The following AGR2 variants were observed in gnomAD, a reference collection of about 807,000 sequenced individuals.
AGR2 encodes anterior gradient 2, protein disulphide isomerase family member.
Under a neutral mutation model 25.9 loss-of-function variants are expected in AGR2, and 27 were observed. That is an observed-to-expected ratio of 1.04 (90% CI 0.77 to 1.44). AGR2 has a LOEUF of 1.44. AGR2 is among the 40% of genes most tolerant of loss of function. The pLI is 0.00. For synonymous variants in AGR2, 78 were observed against 72.0 expected (o/e 1.08, Z -0.42); for missense variants, 182 against 200.9 (o/e 0.91, Z 0.57).
rs1784987289 is a variant in AGR2, at chr7:16,792,974, G to A, written c.479-17C>T. 3 of 1,612,532 alleles carry A rather than the reference G, an allele frequency of 1.9e-6. No individual in the cohort carries two copies. Among genetic ancestry groups the A allele is most frequent in the Non-Finnish European group, 2.5e-6 (3 of 1,178,562 alleles). On this transcript the variant is annotated splice_polypyrimidine_tract_variant and intron_variant, in intron 7 of 7. Coordinates refer to ENST00000419304, the MANE Select transcript of AGR2 (RefSeq NM_006408.4). ...TGTCAAGCACTAATGGGGGATAAAA[G>A]CAGGAGAGTCAAGACACCATCGTGC...
chr7:16,799,496 G>A, intron 5 of AGR2: 1 of 422,352 alleles, frequency 2.4e-6, no homozygotes, highest in East Asian at 3.9e-5. Flanking sequence ...TCCAGCAACA[G>A]AAAAAATTCT....
rs1050118716 is a variant in AGR2 at position 16,792,812 on chromosome 7, G to C, written c.*96C>G. ...CATTAAACCATAACCTAATCAGTGT[G>C]TTCACTATGCTTCCACACTAGCCAG... On this transcript the variant is annotated 3_prime_UTR_variant, in exon 8 of 8. Transcript: ENST00000419304. 4.7e-6 allele frequency: 5 copies of C among 1,065,856 alleles called. No homozygotes were observed. Among genetic ancestry groups the C allele is most frequent in the Non-Finnish European group, 7.3e-6 (5 of 681,678 alleles). The allele number at this position is 1,065,856 out of a possible 1,614,324, so 66.0% of individuals were successfully genotyped here. A position where few individuals can be genotyped will look rare whatever the true frequency, so the allele number is the denominator to read the frequency against.
Position 16,792,509 on chromosome 7 carries a change from G to A in AGR2, c.*399C>T. ...TACAGTCATCTAGTGAGAACCTGTGGTGTGGTGAGATGATAACTTGGTCTT... is the reference window on the plus strand; with the variant it reads ...TACAGTCATCTAGTGAGAACCTGTGATGTGGTGAGATGATAACTTGGTCTT... On this transcript the variant is annotated 3_prime_UTR_variant, in exon 8 of 8. Coordinates refer to ENST00000419304, the MANE Select transcript of AGR2 (RefSeq NM_006408.4). The A allele has an allele frequency of 5.4e-6, 1 of 184,956 alleles. No individual in the cohort carries two copies. Among genetic ancestry groups the A allele is most frequent in the Non-Finnish European group, 1.1e-5 (1 of 88,402 alleles). The allele number at this position is 184,956 out of a possible 1,614,324, so 11.5% of individuals were successfully genotyped here. A position where few individuals can be genotyped will look rare whatever the true frequency, so the allele number is the denominator to read the frequency against.
In AGR2 at chr7:16,801,712, C is replaced by T; in HGVS notation, c.85G>A (p.Ala29Thr). The T allele has an allele frequency of 6.2e-7, 1 of 1,613,660 alleles. No individual in the cohort carries two copies. The highest frequency in any genetic ancestry group is 2.2e-5 in the East Asian group (1 of 44,864). The change falls in exon 2 of 8, where the codon GCC becomes ACC. Residue 29 changes from alanine to threonine, a missense_variant. Transcript: ENST00000419304. ...CGAGAGTCCTTTGTGTCCTTTTTGGCTCCAGGTTTGACTGTGGTATCTCTG... is the reference window on the plus strand; with the variant it reads ...CGAGAGTCCTTTGTGTCCTTTTTGGTTCCAGGTTTGACTGTGGTATCTCTG... The part of the protein sequence containing the change: ...LARDTTVKPG[A>T]KKDTKDSRPK...
intron 5 of AGR2, 58 bp downstream of exon 5, chr7:16,799,686 A>C: frequency 7.9e-7 from 1 of 1,267,224 alleles, no homozygotes. Context: ...AAAATGAATC[A>C]TCCATTTCAA....
chr7:16,804,650 C>T (rs1333425411), intron 1 of AGR2, among the ~76,000 whole-genome samples: 3 of 152,134 alleles, frequency 2.0e-5, no homozygotes, highest in Non-Finnish European at 4.4e-5. Flanking sequence ...CTGTCCCAGG[C>T]TTGAAAAATC....
At position 16,792,930 on chromosome 7, in the gene AGR2, T is replaced by C. The variant is rs902896099; in HGVS notation, c.506A>G (p.Lys169Arg). 7.4e-6 allele frequency: 12 copies of C among 1,614,032 alleles called. No homozygotes were observed. In the African/African-American group the frequency reaches 1.5e-4, roughly 20 times the overall value. Residue 169 changes from lysine (K) to arginine (R), a missense_variant, in exon 8 of 8, where the codon AAG becomes AGG. Lys to Arg is a conservative substitution (Grantham distance 26). Transcript: ENST00000419304. ...LLLDNMKKAL[K>R]LLKTEL ...TCTTTACAATTCAGTCTTCAGCAAC[T>C]TGAGAGCTTTCTTCATGTTGTCAAG...
intron 6 of AGR2, among the ~76,000 whole-genome samples, chr7:16,797,229 C>G (rs939297881): frequency 2.6e-5 from 4 of 152,080 alleles, no homozygotes; most frequent in Non-Finnish European, 5.9e-5. Flanking sequence ...AGCCTTATTC[C>G]TAACTTTCTT....
At chr7:16,793,122 C>T (rs1394469970) in intron 7 of AGR2, among the ~76,000 whole-genome samples, 165 bp from the exon 8 acceptor site, 2 of 152,168 alleles carry the variant, frequency 1.3e-5, no homozygotes, top group Non-Finnish European at 2.9e-5. Flanking sequence ...AATCTCCACT[C>T]AGTGCAACCT....
intron 7 of AGR2, 134 bp downstream of exon 7, chr7:16,794,802 T>C (rs1213107414): frequency 3.3e-6 from 5 of 1,536,714 alleles, no homozygotes; most frequent in African/African-American, 2.8e-5. Flanking sequence ...GCAAGGCTAG[T>C]TAGGGTCAAA....
intron 5 of AGR2, among the ~76,000 whole-genome samples, chr7:16,799,359 G>T (rs909905944): frequency 1.6e-4 from 24 of 152,150 alleles, no homozygotes; most frequent in African/African-American, 5.3e-4. Flanking sequence ...TGAAGCTAAA[G>T]CACAAGAGGC....
chr7:16,798,442 A>C (rs819008), intron 5 of AGR2, among the ~76,000 whole-genome samples: 28 of 152,014 alleles, frequency 1.8e-4, no homozygotes, highest in African/African-American at 6.8e-4. Flanking sequence ...GCAGTGGCGA[A>C]AGAAGGTGCT....
At chr7:16,802,979 C>T (rs58207981) in intron 1 of AGR2, among the ~76,000 whole-genome samples, 4,077 of 151,936 alleles carry the variant, frequency 0.027, 185 homozygotes, top group East Asian at 0.14. Context: ...GCTACAGGCA[C>T]GTGCCAGCAT....
chr7:16,804,336 C>T (rs1430332665), intron 1 of AGR2, among the ~76,000 whole-genome samples: 1 of 151,664 alleles, frequency 6.6e-6, no homozygotes, highest in African/African-American at 2.4e-5. Context: ...TCACCGTATC[C>T]CTGTCTTCTT....
At chr7:16,793,117 C>T (rs1333756392) in intron 7 of AGR2, among the ~76,000 whole-genome samples, 160 bp from the exon 8 acceptor site, 1 of 152,072 alleles carries the variant, frequency 6.6e-6, no homozygotes, top group Non-Finnish European at 1.5e-5. Context: ...GGTGCAATCT[C>T]CACTCAGTGC....
chr7:16,796,604 T>C (rs922374267), intron 6 of AGR2, among the ~76,000 whole-genome samples: 7 of 152,210 alleles, frequency 4.6e-5, no homozygotes, highest in African/African-American at 1.4e-4. Flanking sequence ...ATTAAACACA[T>C]ATTGATGGAG....
At chr7:16,801,094 C>T in intron 4 of AGR2, 57 bp downstream of exon 4, 1 of 1,428,310 alleles carries the variant, frequency 7.0e-7, no homozygotes, top group South Asian at 1.2e-5. Context: ...GTGATCTGAA[C>T]CCTGGCCCTA....
chr7:16,802,864 A>G (rs565263930), intron 1 of AGR2, among the ~76,000 whole-genome samples: 1 of 152,272 alleles, frequency 6.6e-6, no homozygotes, highest in Admixed American at 6.5e-5. Context: ...ACAAGGGCTC[A>G]CTGTGTTGCC....
At chr7:16,795,492 C>T (rs986707240) in intron 6 of AGR2, among the ~76,000 whole-genome samples, 1 of 152,076 alleles carries the variant, frequency 6.6e-6, no homozygotes, top group African/African-American at 2.4e-5. Context: ...AAGTCCTTAA[C>T]AACAGCAAAG....
Sources: gnomAD v4.1 joint callset for allele counts (sites outside exome capture counted in the v4.1 genomes callset) on GRCh38, gnomAD v4.1.1 for gene constraint, MANE v1.5 for transcripts, NCBI Gene and HGNC (gene_info 2026-07-23, HGNC 2026-07-21) for gene names.